PTPRD: variants seen among roughly 807,000 people sequenced by gnomAD.
PTPRD encodes the protein receptor-type tyrosine-protein phosphatase delta.
PTPRD carries 34 observed loss-of-function variants against 214.5 expected under a neutral mutation model. The observed-to-expected ratio is 0.16, with a 90% CI of 0.12 to 0.21. PTPRD has a LOEUF of 0.21. PTPRD is among the 10% of genes least tolerant of loss of function. The pLI, the probability that PTPRD is intolerant of heterozygous loss-of-function variation, is 1.00. For synonymous variants in PTPRD, 1,128 were observed against 845.7 expected, an observed-to-expected ratio of 1.33 and a Z score of -5.79; for missense variants, 2,545 against 2,398.7, an observed-to-expected ratio of 1.06 and a Z score of -1.27.
chr9:10,403,259 T>TATATA, intron 2 of PTPRD, among the ~76,000 whole-genome samples: 3 of 137,762 alleles, frequency 2.2e-5, no homozygotes, highest in East Asian at 4.2e-4. Flanking sequence ...TATATATATA[T>TATATA]GAAAAATGTA....
At chr9:8,391,102 C>T (rs2089382884) in intron 36 of PTPRD, among the ~76,000 whole-genome samples, 1 of 152,018 alleles carries the variant, frequency 6.6e-6, no homozygotes, top group Non-Finnish European at 1.5e-5. Flanking sequence ...ATCCCTTCTA[C>T]CCTGGGAAAT....
intron 3 of PTPRD, among the ~76,000 whole-genome samples, chr9:10,286,246 G>A (rs888531664): frequency 1.3e-5 from 2 of 151,952 alleles, no homozygotes; most frequent in African/African-American, 4.8e-5. Context: ...TGATGTCCCA[G>A]CCTGTGCAAC....
At chr9:9,177,696 A>G (rs1182786533) in intron 10 of PTPRD, among the ~76,000 whole-genome samples, 2 of 152,126 alleles carry the variant, frequency 1.3e-5, no homozygotes, top group African/African-American at 4.8e-5. Flanking sequence ...TAATCCTATC[A>G]ATCTTGACTT....
intron 2 of PTPRD, among the ~76,000 whole-genome samples, chr9:10,439,042 C>A (rs1345291834): frequency 1.3e-5 from 2 of 151,778 alleles, no homozygotes; most frequent in Non-Finnish European, 2.9e-5. Flanking sequence ...AAACATGATA[C>A]AGCAGAGGTC....
chr9:8,341,595 G>C, intron 40 of PTPRD, 98 bp downstream of exon 40: 2 of 1,358,500 alleles, frequency 1.5e-6, no homozygotes, highest in Admixed American at 2.0e-5. Context: ...AATGAATCTT[G>C]TACTTCACAA....
At chr9:8,819,945 A>C (rs1344088003) in intron 11 of PTPRD, among the ~76,000 whole-genome samples, 2 of 152,136 alleles carry the variant, frequency 1.3e-5, no homozygotes, top group Non-Finnish European at 2.9e-5. Context: ...AAAGTATGAC[A>C]TCCCCTGACA....
At chr9:8,822,200 G>C (rs974684026) in intron 11 of PTPRD, among the ~76,000 whole-genome samples, 2 of 152,200 alleles carry the variant, frequency 1.3e-5, no homozygotes, top group Non-Finnish European at 2.9e-5. Context: ...ACCAAGTTGA[G>C]TCACTGAAAG....
At chr9:8,902,710 C>A (rs905491376) in intron 11 of PTPRD, among the ~76,000 whole-genome samples, 1 of 151,974 alleles carries the variant, frequency 6.6e-6, no homozygotes, top group Non-Finnish European at 1.5e-5. Flanking sequence ...AGAAACAGCA[C>A]CATAGATCAT....
intron 11 of PTPRD, among the ~76,000 whole-genome samples, chr9:8,838,185 C>T (rs2097479574): frequency 6.6e-6 from 1 of 151,718 alleles, no homozygotes; most frequent in African/African-American, 2.4e-5. Context: ...GAAGAGCAAG[C>T]AAACCAGATA....
chr9:8,334,778 T>C (rs1212167346), intron 43 of PTPRD, among the ~76,000 whole-genome samples: 7 of 114,514 alleles, frequency 6.1e-5, no homozygotes, highest in East Asian at 2.3e-4. Context: ...ACAAAATAGA[T>C]AGAAAAGACA....
rs1444821060 is a variant in PTPRD at position 9,932,067 on chromosome 9, A to G, written c.-368+6440T>C. Reference sequence around the variant, plus strand: ...AACAGAAAGGACATCCACACCAAAAACCCATCTGTACATCACCATCATCAA... The same window carrying G: ...AACAGAAAGGACATCCACACCAAAAGCCCATCTGTACATCACCATCATCAA... On this transcript the variant is annotated intron_variant, in intron 5 of 45. Transcript: ENST00000381196. Among the ~76,000 whole-genome samples the G allele has an allele frequency of 6.7e-5, 10 of 149,768 alleles. No homozygotes were observed. In the South Asian group the frequency reaches 2.1e-3, roughly 31 times the overall value.
At chr9:9,516,490 CA>C (rs1418636667) in intron 8 of PTPRD, among the ~76,000 whole-genome samples, 2 of 150,386 alleles carry the variant, frequency 1.3e-5, no homozygotes, top group African/African-American at 4.9e-5. Flanking sequence ...AAACTTGTTT[CA>C]AAAAATAAAA....
chr9:10,259,934 A>G (rs538226881), intron 3 of PTPRD, among the ~76,000 whole-genome samples: 4 of 152,138 alleles, frequency 2.6e-5, no homozygotes, highest in Non-Finnish European at 5.9e-5. Flanking sequence ...CACAAGCATC[A>G]GGCCCGTTTC....
chr9:8,543,616 T>G (rs2079051146), intron 14 of PTPRD, among the ~76,000 whole-genome samples: 1 of 152,240 alleles, frequency 6.6e-6, no homozygotes, highest in Non-Finnish European at 1.5e-5. Context: ...GTGAGCAAAT[T>G]ATAGTTACAT....
chr9:9,923,773 C>G (rs572258071), intron 5 of PTPRD, among the ~76,000 whole-genome samples: 1 of 151,892 alleles, frequency 6.6e-6, no homozygotes, highest in African/African-American at 2.4e-5. Context: ...ATGTATACTT[C>G]TCATGGGCCG....
chr9:9,387,522 A>C (rs1889100), intron 9 of PTPRD, among the ~76,000 whole-genome samples: 1 of 152,026 alleles, frequency 6.6e-6, no homozygotes, highest in East Asian at 1.9e-4. Flanking sequence ...GGTTTCACTG[A>C]ATATAGGATT....
At chr9:9,362,034 A>T (rs2056352825) in intron 9 of PTPRD, among the ~76,000 whole-genome samples, 1 of 151,092 alleles carries the variant, frequency 6.6e-6, no homozygotes, top group South Asian at 2.1e-4. Flanking sequence ...TTTAGTGGAA[A>T]ACATGGCACT....
At chr9:10,081,904 T>C (rs1390840813) in intron 3 of PTPRD, among the ~76,000 whole-genome samples, 1 of 152,034 alleles carries the variant, frequency 6.6e-6, no homozygotes, top group African/African-American at 2.4e-5. Context: ...ATCTGATCAT[T>C]TACAGCATAA....
At chr9:8,674,616 T>C (rs1466189642) in intron 12 of PTPRD, among the ~76,000 whole-genome samples, 1 of 152,158 alleles carries the variant, frequency 6.6e-6, no homozygotes, top group Non-Finnish European at 1.5e-5. Context: ...CTAGCTGTGA[T>C]TTAAGACCAG....
Sources: allele counts gnomAD v4.1 joint callset (sites outside exome capture counted in the v4.1 genomes callset), GRCh38; gene constraint gnomAD v4.1.1; transcripts MANE v1.5; gene names NCBI Gene and HGNC (gene_info 2026-07-23, HGNC 2026-07-21).